The following TRAM2 variants were observed in gnomAD, a reference collection of about 807,000 sequenced individuals.
TRAM2 encodes translocating chain-associated membrane protein 2.
TRAM2 carries 12 observed loss-of-function variants against 51.0 expected under a neutral mutation model. That is an observed-to-expected ratio of 0.24 (90% CI 0.15 to 0.38). The LOEUF (loss-of-function observed/expected upper bound fraction) is 0.38. TRAM2 is among the 10% of genes least tolerant of loss of function. The probability of loss-of-function intolerance (pLI) is 1.00; values close to 1 mark genes in which losing one functional copy is unlikely to be tolerated. For synonymous variants in TRAM2, 175 were observed against 179.4 expected (o/e 0.98, Z 0.20); for missense variants, 361 against 462.0 (o/e 0.78, Z 2.00).
chr6:52,516,219 T>C, intron 3 of TRAM2, 97 bp from the exon 4 acceptor site: 1 of 1,139,588 alleles, frequency 8.8e-7, no homozygotes, highest in Non-Finnish European at 1.3e-6. Flanking sequence ...GGGTTGAACA[T>C]CGTTAGAAGT....
chr6:52,511,975 T>C (rs556373386), intron 4 of TRAM2, among the ~76,000 whole-genome samples: 4 of 152,206 alleles, frequency 2.6e-5, no homozygotes, highest in Non-Finnish European at 5.9e-5. Flanking sequence ...GCGGTGACAG[T>C]TGTGAGCTCT....
intron 1 of TRAM2, among the ~76,000 whole-genome samples, chr6:52,542,280 A>ATTTTTT (rs1247920817): frequency 1.1e-3 from 135 of 125,714 alleles, no homozygotes; most frequent in Middle Eastern, 4.1e-3. Flanking sequence ...TTTTTTTAAA[A>ATTTTTT]AAAATAGTCT....
At chr6:52,531,244 G>A (rs1766886785) in intron 2 of TRAM2, among the ~76,000 whole-genome samples, 1 of 151,500 alleles carries the variant, frequency 6.6e-6, no homozygotes, top group South Asian at 2.1e-4. Context: ...TTTCCCATGA[G>A]AAGTTTGCTT....
At chr6:52,509,661 G>A in intron 4 of TRAM2, 75 bp from the exon 5 acceptor site, 1 of 1,335,070 alleles carries the variant, frequency 7.5e-7, no homozygotes, top group South Asian at 1.2e-5. Context: ...CCGGTCCAGG[G>A]GTCAGGGATG....
chr6:52,547,864 G>A (rs1299458737), intron 1 of TRAM2, among the ~76,000 whole-genome samples: 1 of 152,234 alleles, frequency 6.6e-6, no homozygotes, highest in Non-Finnish European at 1.5e-5. Context: ...CTGGCCATGG[G>A]CCAGGATCCA....
chr6:52,525,055 G>A (rs1482091797), intron 2 of TRAM2: 1 of 152,238 alleles, frequency 6.6e-6, no homozygotes, highest in Non-Finnish European at 1.5e-5. Context: ...TTACTCTTCA[G>A]AGTAATCCCG....
rs1054969948 is a variant in TRAM2 at position 52,502,213 on chromosome 6, G to T, written c.*984C>A. 8 of 152,306 alleles carry T rather than the reference G, an allele frequency of 5.3e-5. No homozygotes were observed. The highest frequency in any genetic ancestry group is 1.9e-4 in the African/African-American group (8 of 41,474). 9.4% of individuals were successfully genotyped at this position (152,306 alleles called of 1,614,324 possible). ...CAAGGTAGTAAGTTTGGCCCCTGACGGGGCTGGCTGGCTCTGGAGGTGAGG... is the reference window on the plus strand; with the variant it reads ...CAAGGTAGTAAGTTTGGCCCCTGACTGGGCTGGCTGGCTCTGGAGGTGAGG... On this transcript the variant is annotated 3_prime_UTR_variant, in exon 11 of 11. Transcript: ENST00000182527.
rs934524471 is a variant in TRAM2 at position 52,527,956 on chromosome 6, C to A, written c.184+7827G>T. On this transcript the variant is annotated intron_variant, in intron 2 of 10. Coordinates refer to ENST00000182527, the MANE Select transcript of TRAM2 (RefSeq NM_012288.4). ...CCCCATTCTTTTTCAGATGGCCAAC[C>A]AATAAGGCCAGGGACACTGGGGGCC... is the stretch of plus-strand genomic sequence containing the variant. Among the ~76,000 whole-genome samples the A allele has an allele frequency of 3.3e-5, 5 of 152,290 alleles. No individual in the cohort carries two copies. In the Middle Eastern group the frequency reaches 0.017, roughly 518 times the overall value.
intron 1 of TRAM2, among the ~76,000 whole-genome samples, chr6:52,554,788 A>G (rs1330087328): frequency 4.2e-5 from 6 of 141,226 alleles, no homozygotes; most frequent in African/African-American, 1.7e-4. Flanking sequence ...TTTTTTTAAC[A>G]GAGGGTCTTG....
At chr6:52,507,885 G>C (rs561378749) in intron 6 of TRAM2, among the ~76,000 whole-genome samples, 1 of 152,238 alleles carries the variant, frequency 6.6e-6, no homozygotes, top group Non-Finnish European at 1.5e-5. Flanking sequence ...GACAGGGACT[G>C]GAGAAGAGGG....
intron 2 of TRAM2, among the ~76,000 whole-genome samples, chr6:52,530,995 T>C (rs533382944): frequency 6.6e-6 from 1 of 152,204 alleles, no homozygotes; most frequent in East Asian, 1.9e-4. Context: ...GAGTTGGAAA[T>C]GATGGACCCC....
At chr6:52,548,728 A>G (rs1281509439) in intron 1 of TRAM2, among the ~76,000 whole-genome samples, 1 of 152,252 alleles carries the variant, frequency 6.6e-6, no homozygotes, top group African/African-American at 2.4e-5. Context: ...CTAAGATCTA[A>G]TGATCAAAAT....
intron 4 of TRAM2, among the ~76,000 whole-genome samples, chr6:52,514,144 A>G (rs1457982147): frequency 2.0e-5 from 3 of 152,142 alleles, no homozygotes; most frequent in Non-Finnish European, 4.4e-5. Flanking sequence ...AAAGCAGCAG[A>G]CAGTCTCAAT....
At chr6:52,541,134 G>A (rs1022597538) in intron 1 of TRAM2, among the ~76,000 whole-genome samples, 1 of 152,224 alleles carries the variant, frequency 6.6e-6, no homozygotes, top group Non-Finnish European at 1.5e-5. Flanking sequence ...TAAGCATAGT[G>A]GATGTGGATT....
At chr6:52,535,561 A>G (rs1234123744) in intron 2 of TRAM2, among the ~76,000 whole-genome samples, 1 of 152,222 alleles carries the variant, frequency 6.6e-6, no homozygotes, top group East Asian at 1.9e-4. Flanking sequence ...CACGCCTGTA[A>G]TCCCAGCTAC....
chr6:52,574,407 G>A (rs775282557), intron 1 of TRAM2, among the ~76,000 whole-genome samples: 18 of 152,126 alleles, frequency 1.2e-4, no homozygotes, highest in Non-Finnish European at 2.1e-4. Context: ...AGACAGTGAG[G>A]CCCCCACCAT....
chr6:52,543,780 C>T (rs1767147496), intron 1 of TRAM2, among the ~76,000 whole-genome samples: 6 of 152,216 alleles, frequency 3.9e-5, no homozygotes, highest in Admixed American at 3.9e-4. Context: ...CACTAATCTT[C>T]AGCAAGCAAC....
Position 52,498,759 on chromosome 6 carries a change from C to T in TRAM2, c.*4438G>A, listed in dbSNP as rs1017208549. On this transcript the variant is annotated 3_prime_UTR_variant, in exon 11 of 11. Coordinates refer to ENST00000182527, the MANE Select transcript of TRAM2 (RefSeq NM_012288.4). ...AGAAACAAATGGGGTGAAACTGTCA[C>T]AATCCGTGTCCCTTTTATATATAAC... 6 of 152,642 alleles carry T rather than the reference C, an allele frequency of 3.9e-5. No homozygotes were observed. Among genetic ancestry groups the T allele is most frequent in the South Asian group, 2.1e-4 (1 of 4,824 alleles). 9.5% of individuals were successfully genotyped at this position (152,642 alleles called of 1,614,324 possible). A position where few individuals can be genotyped will look rare whatever the true frequency, so the allele number is the denominator to read the frequency against.
chr6:52,545,178 C>T (rs1767176399), intron 1 of TRAM2, among the ~76,000 whole-genome samples: 1 of 152,126 alleles, frequency 6.6e-6, no homozygotes, highest in Admixed American at 6.5e-5. Flanking sequence ...GGAAGAAAAC[C>T]AAAAATTAGA....
Sources: allele counts gnomAD v4.1 joint callset (sites outside exome capture counted in the v4.1 genomes callset), GRCh38; gene constraint gnomAD v4.1.1; transcripts MANE v1.5; gene names NCBI Gene and HGNC (gene_info 2026-07-23, HGNC 2026-07-21).